Variants in MDGA2 observed in about 807,000 individuals in gnomAD.
MDGA2 encodes the protein MAM domain-containing glycosylphosphatidylinositol anchor protein 2.
In MDGA2, 40 loss-of-function variants were observed where a neutral mutation model predicts 117.8. That is an observed-to-expected ratio of 0.34 (90% confidence interval 0.26 to 0.44). The LOEUF (loss-of-function observed/expected upper bound fraction) is 0.44. Ranked by LOEUF, MDGA2 falls within the 20% of genes least tolerant of loss-of-function variation. MDGA2 has a pLI of 1.00. For synonymous variants in MDGA2, 452 were observed against 439.0 expected (o/e 1.03, Z -0.37); for missense variants, 1,123 against 1,250.6 (o/e 0.90, Z 1.54).
chr14:47,433,363 C>T (rs1307425863), intron 1 of MDGA2, among the ~76,000 whole-genome samples: 2 of 151,936 alleles, frequency 1.3e-5, no homozygotes, highest in Admixed American at 6.6e-5. Flanking sequence ...TGTTCCTCCA[C>T]CCACCTGAAT....
At chr14:47,283,117 T>G (rs562736745) in intron 2 of MDGA2, among the ~76,000 whole-genome samples, 1 of 152,192 alleles carries the variant, frequency 6.6e-6, no homozygotes, top group Non-Finnish European at 1.5e-5. Flanking sequence ...TATTGAATGC[T>G]TATTTTAAAT....
At chr14:47,564,431 G>T (rs187879315) in intron 1 of MDGA2, among the ~76,000 whole-genome samples, 1 of 152,142 alleles carries the variant, frequency 6.6e-6, no homozygotes, top group African/African-American at 2.4e-5. Context: ...GGAAGAGCAG[G>T]TCACGTCTTT....
At chr14:47,104,810 T>A (rs1880553496) in intron 5 of MDGA2, among the ~76,000 whole-genome samples, 1 of 152,048 alleles carries the variant, frequency 6.6e-6, no homozygotes. Flanking sequence ...GAAACAAACA[T>A]CTCACCAATT....
intron 8 of MDGA2, among the ~76,000 whole-genome samples, chr14:46,993,096 G>A (rs982640728): frequency 2.6e-5 from 4 of 151,894 alleles, no homozygotes; most frequent in African/African-American, 2.4e-5. Context: ...CATACACTAG[G>A]AAAGTAACCT....
At chr14:47,627,734 C>T (rs549926373) in intron 1 of MDGA2, among the ~76,000 whole-genome samples, 4 of 152,264 alleles carry the variant, frequency 2.6e-5, no homozygotes, top group African/African-American at 9.6e-5. Context: ...CCGCTGGGGT[C>T]CCCTTCCACA....
chr14:47,221,176 A>C (rs1886285917), intron 2 of MDGA2, among the ~76,000 whole-genome samples: 1 of 152,180 alleles, frequency 6.6e-6, no homozygotes, highest in Non-Finnish European at 1.5e-5. Flanking sequence ...AAAACCTAGA[A>C]GTTTGGGTGG....
intron 1 of MDGA2, among the ~76,000 whole-genome samples, chr14:47,548,700 G>A (rs1028998799): frequency 6.6e-6 from 1 of 152,174 alleles, no homozygotes; most frequent in East Asian, 1.9e-4. Context: ...TCAGTCAAGG[G>A]TGAGAAATTA....
chr14:47,062,159 G>A (rs979646751), intron 6 of MDGA2, among the ~76,000 whole-genome samples: 11 of 151,780 alleles, frequency 7.2e-5, no homozygotes, highest in African/African-American at 2.2e-4. Flanking sequence ...GAAAACCTGG[G>A]GCAAAAAGCA....
chr14:47,207,514 A>T (rs1245915994), intron 3 of MDGA2, among the ~76,000 whole-genome samples: 1 of 151,936 alleles, frequency 6.6e-6, no homozygotes, highest in Admixed American at 6.6e-5. Flanking sequence ...CTGGAATAAG[A>T]TAGTGGAAGT....
At chr14:47,018,382 A>T (rs1332555312) in intron 8 of MDGA2, among the ~76,000 whole-genome samples, 3 of 152,148 alleles carry the variant, frequency 2.0e-5, no homozygotes, top group African/African-American at 7.2e-5. Context: ...TTGCTTCTGC[A>T]GAAAAAGGCT....
At chr14:46,879,817 T>C (rs1000298291) in intron 11 of MDGA2, among the ~76,000 whole-genome samples, 6 of 152,164 alleles carry the variant, frequency 3.9e-5, no homozygotes, top group Admixed American at 2.0e-4. Flanking sequence ...TAATGCACTC[T>C]ACATTATACA....
chr14:47,360,227 T>C (rs909747900), intron 1 of MDGA2, among the ~76,000 whole-genome samples: 66 of 151,940 alleles, frequency 4.3e-4, no homozygotes, highest in African/African-American at 1.5e-3. Flanking sequence ...GGTGCATGCC[T>C]GTAGTCCCAG....
chr14:47,074,116 TTTAA>T (rs1166790065), intron 6 of MDGA2, among the ~76,000 whole-genome samples: 6 of 144,354 alleles, frequency 4.2e-5, no homozygotes, highest in African/African-American at 7.9e-5. Context: ...GATTAATTAA[TTTAA>T]TTAATCATTA....
intron 3 of MDGA2, among the ~76,000 whole-genome samples, chr14:47,160,730 T>C (rs563416240): frequency 1.4e-3 from 208 of 152,320 alleles, no homozygotes; most frequent in African/African-American, 4.4e-3. Context: ...GGATTGTTCA[T>C]TGAGAATCAA....
chr14:47,300,457 C>T (rs1199926412), intron 2 of MDGA2, among the ~76,000 whole-genome samples: 2 of 151,550 alleles, frequency 1.3e-5, no homozygotes, highest in Non-Finnish European at 2.9e-5. Flanking sequence ...ATAACTGTTT[C>T]TTTTGTTCCT....
intron 8 of MDGA2, among the ~76,000 whole-genome samples, chr14:47,018,493 C>T (rs572775643): frequency 6.6e-6 from 1 of 151,946 alleles, no homozygotes; most frequent in South Asian, 2.1e-4. Flanking sequence ...TCTGTTCTGC[C>T]TCTTGGCCTT....
intron 3 of MDGA2, among the ~76,000 whole-genome samples, chr14:47,151,746 ATAAT>A (rs1273679074): frequency 6.6e-6 from 1 of 151,822 alleles, no homozygotes; most frequent in Non-Finnish European, 1.5e-5. Context: ...AGTAATGTAA[ATAAT>A]TATCTTATTT....
chr14:46,939,162 A>C lies in MDGA2; in HGVS notation c.2089+18212T>G, dbSNP rs550675773. Among the ~76,000 whole-genome samples, 3 of 152,200 alleles carry C rather than the reference A, an allele frequency of 2.0e-5. No homozygotes were observed. In the South Asian group the frequency reaches 6.2e-4, roughly 32 times the overall value. ...GGGCAAGATTTTTGAGAGAATACAA[A>C]ATTACAGATAGGAGGGATAAATTGT... On this transcript the variant is annotated intron_variant, in intron 9 of 16. Transcript: ENST00000399232.
intron 15 of MDGA2, among the ~76,000 whole-genome samples, chr14:46,846,639 T>G (rs752810106): frequency 1.2e-4 from 18 of 152,100 alleles, no homozygotes; most frequent in African/African-American, 3.4e-4. Context: ...ATTAGCAAAT[T>G]TATATATTTT....
Sources: gnomAD v4.1 joint callset for allele counts (sites outside exome capture counted in the v4.1 genomes callset) on GRCh38, gnomAD v4.1.1 for gene constraint, MANE v1.5 for transcripts, NCBI Gene and HGNC (gene_info 2026-07-23, HGNC 2026-07-21) for gene names.